Variants in PRKCE observed in about 807,000 individuals in gnomAD.
The protein encoded by PRKCE is protein kinase C epsilon type.
Under a neutral mutation model 85.4 loss-of-function variants are expected in PRKCE, and 16 were observed. The observed-to-expected ratio is 0.19, with a 90% CI of 0.13 to 0.28. The LOEUF (loss-of-function observed/expected upper bound fraction) is 0.28. Ranked by LOEUF, PRKCE falls within the 10% of genes least tolerant of loss-of-function variation. PRKCE has a pLI of 1.00. For missense variants in PRKCE, 573 were observed against 975.2 expected (o/e 0.59, Z 5.49); for synonymous variants, 388 against 371.5 (o/e 1.04, Z -0.51).
chr2:46,064,280 CAAAAAAAAAAAA>C (rs58347072), intron 10 of PRKCE, among the ~76,000 whole-genome samples: 2 of 90,848 alleles, frequency 2.2e-5, no homozygotes, highest in Non-Finnish European at 4.6e-5. Context: ...GACTCTGTCT[CAAAAAAAAAAAA>C]AAAAAAAAAA....
intron 1 of PRKCE, among the ~76,000 whole-genome samples, chr2:45,772,799 G>A (rs933257561): frequency 6.6e-6 from 1 of 152,230 alleles, no homozygotes; most frequent in African/African-American, 2.4e-5. Context: ...AGAGGAGCAG[G>A]GGCTGAAGAG....
intron 10 of PRKCE, among the ~76,000 whole-genome samples, chr2:46,045,838 T>A (rs75152199): frequency 4.6e-5 from 7 of 151,648 alleles, no homozygotes; most frequent in African/African-American, 1.7e-4. Flanking sequence ...GCCGAGATCA[T>A]ACCACTGCAC....
intron 1 of PRKCE, among the ~76,000 whole-genome samples, chr2:45,755,195 C>T (rs974527540): frequency 3.3e-5 from 5 of 152,118 alleles, no homozygotes; most frequent in African/African-American, 1.2e-4. Context: ...TGTATAAGGT[C>T]GCCAACCACG....
At chr2:45,920,643 T>C (rs1698183415) in intron 2 of PRKCE, among the ~76,000 whole-genome samples, 1 of 152,160 alleles carries the variant, frequency 6.6e-6, no homozygotes, top group African/African-American at 2.4e-5. Context: ...AGACCACATA[T>C]TGTATGATTG....
chr2:45,835,196 G>C (rs1465445362), intron 1 of PRKCE, among the ~76,000 whole-genome samples: 1 of 152,212 alleles, frequency 6.6e-6, no homozygotes, highest in Admixed American at 6.5e-5. Flanking sequence ...GGTGGGAATA[G>C]GATTTGTTAT....
Position 46,024,283 on chromosome 2 carries a change from C to A in PRKCE, c.1437+13766C>A, listed in dbSNP as rs181683937. Among the ~76,000 whole-genome samples, 563 of 152,106 alleles carry A rather than the reference C, an allele frequency of 3.7e-3. 2 individuals are homozygous for A. Among genetic ancestry groups the A allele is most frequent in the Non-Finnish European group, 5.9e-3 (401 of 67,994 alleles). On this transcript the variant is annotated intron_variant, in intron 10 of 14. Transcript: ENST00000306156. ...GAAAGCAACTGATGGAAAAACAGACCCTCTGCTTCCTGTTATGAGGACATT... is the reference window on the plus strand; with the variant it reads ...GAAAGCAACTGATGGAAAAACAGACACTCTGCTTCCTGTTATGAGGACATT...
intron 14 of PRKCE, among the ~76,000 whole-genome samples, chr2:46,165,131 T>A (rs939919636): frequency 2.0e-5 from 3 of 152,234 alleles, no homozygotes; most frequent in Admixed American, 6.5e-5. Context: ...CTGGGTTTCC[T>A]GACTACAGGC....
At chr2:45,964,006 T>C (rs779737505) in intron 2 of PRKCE, among the ~76,000 whole-genome samples, 7 of 152,190 alleles carry the variant, frequency 4.6e-5, no homozygotes, top group Non-Finnish European at 8.8e-5. Context: ...CACTTTGCTT[T>C]AGTCTCATGA....
At chr2:45,954,350 G>A (rs1700831688) in intron 2 of PRKCE, among the ~76,000 whole-genome samples, 2 of 152,180 alleles carry the variant, frequency 1.3e-5, no homozygotes, top group Non-Finnish European at 2.9e-5. Flanking sequence ...CAATTTTCTT[G>A]TGATCAAATT....
At chr2:46,018,481 T>A (rs1158496832) in intron 10 of PRKCE, among the ~76,000 whole-genome samples, 5 of 151,704 alleles carry the variant, frequency 3.3e-5, no homozygotes, top group Admixed American at 6.6e-5. Flanking sequence ...AAAAAAAAAA[T>A]TTTTTTAAAA....
intron 1 of PRKCE, among the ~76,000 whole-genome samples, chr2:45,785,375 C>T (rs948469065): frequency 6.6e-6 from 1 of 151,990 alleles, no homozygotes; most frequent in Non-Finnish European, 1.5e-5. Flanking sequence ...CCTGTAGTTC[C>T]ACCTACTCAG....
chr2:45,759,122 G>A (rs535206076), intron 1 of PRKCE, among the ~76,000 whole-genome samples: 2 of 152,312 alleles, frequency 1.3e-5, no homozygotes, highest in East Asian at 3.9e-4. Flanking sequence ...ATGGGGCACT[G>A]TGCTGTCCCC....
intron 2 of PRKCE, among the ~76,000 whole-genome samples, chr2:45,883,617 C>A (rs1416350743): frequency 3.9e-5 from 6 of 152,184 alleles, no homozygotes; most frequent in African/African-American, 1.4e-4. Flanking sequence ...ATAGTTCTTA[C>A]ACATTTACAG....
intron 10 of PRKCE, among the ~76,000 whole-genome samples, chr2:46,085,569 A>AAC (rs1669523825): frequency 8.7e-6 from 1 of 114,832 alleles, no homozygotes; most frequent in African/African-American, 3.4e-5. Flanking sequence ...TGACTGTTTC[A>AAC]CTCCAATCTC....
intron 2 of PRKCE, among the ~76,000 whole-genome samples, chr2:45,939,420 A>G (rs1441349357): frequency 7.9e-5 from 12 of 152,128 alleles, no homozygotes; most frequent in Non-Finnish European, 1.6e-4. Context: ...TCATCATTTC[A>G]TACCGTATTC....
At chr2:46,056,949 T>A (rs1361820607) in intron 10 of PRKCE, among the ~76,000 whole-genome samples, 1 of 152,232 alleles carries the variant, frequency 6.6e-6, no homozygotes, top group Admixed American at 6.5e-5. Context: ...GAGGCTCAGC[T>A]GGTTGGTTCT....
intron 2 of PRKCE, among the ~76,000 whole-genome samples, chr2:45,944,454 G>A (rs1020113276): frequency 2.0e-5 from 3 of 151,994 alleles, no homozygotes; most frequent in Non-Finnish European, 2.9e-5. Flanking sequence ...AGATCTGTAC[G>A]TTTTACTTTA....
At chr2:45,664,345 T>G (rs1675814747) in intron 1 of PRKCE, among the ~76,000 whole-genome samples, 1 of 152,232 alleles carries the variant, frequency 6.6e-6, no homozygotes, top group South Asian at 2.1e-4. Context: ...TGTACCAGTC[T>G]CCTCATCCAT....
intron 10 of PRKCE, among the ~76,000 whole-genome samples, chr2:46,052,271 A>G (rs1170680734): frequency 1.3e-5 from 2 of 152,182 alleles, no homozygotes; most frequent in Admixed American, 1.3e-4. Context: ...AAAAGAAGCT[A>G]CTAGAACTAA....
Sources: allele counts gnomAD v4.1 joint callset (sites outside exome capture counted in the v4.1 genomes callset), GRCh38; gene constraint gnomAD v4.1.1; transcripts MANE v1.5; gene names NCBI Gene and HGNC (gene_info 2026-07-23, HGNC 2026-07-21).